The following SNX24 variants were observed in gnomAD, a reference collection of about 807,000 sequenced individuals.
The protein encoded by SNX24 is sorting nexin-24.
In SNX24, 22 loss-of-function variants were observed where a neutral mutation model predicts 28.7. The ratio of observed to expected loss-of-function variants is 0.77; its 90% confidence interval spans 0.55 to 1.10. SNX24 has a LOEUF of 1.10. Among genes scored for constraint, SNX24 ranks in the 50% least tolerant of loss-of-function variants. The pLI is 0.00. For missense variants in SNX24, 221 were observed against 201.1 expected (o/e 1.10, Z -0.60); for synonymous variants, 69 against 71.5 (o/e 0.96, Z 0.18).
chr5:122,855,688 AT>A (rs1554066639), intron 1 of SNX24, among the ~76,000 whole-genome samples: 1 of 152,138 alleles, frequency 6.6e-6, no homozygotes. Flanking sequence ...GTAATGTTCT[AT>A]ATCCTTTGTT....
intron 3 of SNX24, among the ~76,000 whole-genome samples, chr5:122,959,671 G>GT (rs1185949626): frequency 1.7e-3 from 253 of 148,516 alleles, no homozygotes; most frequent in Middle Eastern, 7.0e-3. Context: ...TTGTTTTTGG[G>GT]TTTTTTTTTT....
chr5:122,995,520 G>A (rs1187895431), intron 3 of SNX24, among the ~76,000 whole-genome samples: 1 of 152,152 alleles, frequency 6.6e-6, no homozygotes, highest in Non-Finnish European at 1.5e-5. Flanking sequence ...TGAGAGAACT[G>A]TTCAGCGCAT....
At chr5:122,916,145 CA>C (rs1561590978) in intron 1 of SNX24, among the ~76,000 whole-genome samples, 5 of 152,220 alleles carry the variant, frequency 3.3e-5, no homozygotes, top group African/African-American at 1.2e-4. Flanking sequence ...ATGATCTATC[CA>C]AGATAGCATG....
chr5:122,888,284 C>G (rs1164688923), intron 1 of SNX24, among the ~76,000 whole-genome samples: 1 of 152,128 alleles, frequency 6.6e-6, no homozygotes, highest in Admixed American at 6.6e-5. Context: ...CTCCTGGTCC[C>G]TAGTTCAGGC....
intron 5 of SNX24, chr5:123,028,485 G>A (rs1376087193): frequency 3.4e-6 from 1 of 291,688 alleles, no homozygotes; most frequent in Non-Finnish European, 6.3e-6. Flanking sequence ...ATATTTTTCT[G>A]TATGGCTACT....
At chr5:122,900,109 T>C (rs1232382597) in intron 1 of SNX24, among the ~76,000 whole-genome samples, 1 of 151,924 alleles carries the variant, frequency 6.6e-6, no homozygotes, top group Non-Finnish European at 1.5e-5. Context: ...TGCCTTGAAC[T>C]CTCAGGCTCA....
chr5:122,853,480 A>T (rs1408644384), intron 1 of SNX24, among the ~76,000 whole-genome samples: 1 of 152,190 alleles, frequency 6.6e-6, no homozygotes, highest in Non-Finnish European at 1.5e-5. Context: ...ATTCTTCTTG[A>T]ACATTAACAA....
chr5:122,855,979 T>C (rs1355946431), intron 1 of SNX24, among the ~76,000 whole-genome samples: 1 of 152,170 alleles, frequency 6.6e-6, no homozygotes, highest in African/African-American at 2.4e-5. Context: ...TATTTACTTA[T>C]TTTAGGTTCG....
intron 1 of SNX24, among the ~76,000 whole-genome samples, chr5:122,848,097 G>A (rs1184076569): frequency 6.6e-6 from 1 of 152,040 alleles, no homozygotes; most frequent in African/African-American, 2.4e-5. Flanking sequence ...TAGCGATTAT[G>A]TTTGTGTGAA....
At chr5:123,002,162 TA>T in intron 6 of SNX24, 158 bp downstream of exon 6, 1 of 640,060 alleles carries the variant, frequency 1.6e-6, no homozygotes, top group South Asian at 1.9e-5. Flanking sequence ...CTTAGAATTT[TA>T]ATTGGGGCTG....
chr5:123,014,543 A>G (rs894193205), intron 5 of SNX24, among the ~76,000 whole-genome samples: 1 of 151,834 alleles, frequency 6.6e-6, no homozygotes. Flanking sequence ...TATTTCCACA[A>G]TGTTATAAAT....
chr5:122,946,032 C>A (rs773221417), intron 2 of SNX24, 23 bp from the exon 3 acceptor site: 106 of 1,018,940 alleles, frequency 1.0e-4, no homozygotes, highest in Non-Finnish European at 1.1e-4. Flanking sequence ...TTTTCTTTTT[C>A]TTTTCCTATT....
chr5:122,938,675 T>TA (rs1759291838), intron 2 of SNX24, among the ~76,000 whole-genome samples: 1 of 9,872 alleles, frequency 1.0e-4, no homozygotes, highest in African/African-American at 2.0e-3. Context: ...GCGCGGTGGC[T>TA]CACGCCTGTA....
Position 123,025,886 on chromosome 5 carries a change from G to A in SNX24, n.384-3352G>A, listed in dbSNP as rs74557853. The A allele has an allele frequency of 1.6e-3, 2,654 of 1,614,012 alleles. 45 individuals are homozygous for A. The African/African-American group carries it at 0.03, about 18-fold the overall frequency. On this transcript the variant is annotated intron_variant and non_coding_transcript_variant, in intron 5 of 5. Transcript: ENST00000502387. ...GAGAGCCATTGGTGTCAGGCCCAGC[G>A]TTGGCCATGCTGACCCACCCAATGC...
At chr5:122,976,933 G>A (rs946558666) in intron 3 of SNX24, among the ~76,000 whole-genome samples, 1 of 152,040 alleles carries the variant, frequency 6.6e-6, no homozygotes, top group Non-Finnish European at 1.5e-5. Flanking sequence ...TTTTCTAATG[G>A]TATGTCTTTC....
chr5:122,850,156 A>G (rs545194554), intron 1 of SNX24, among the ~76,000 whole-genome samples: 5 of 152,354 alleles, frequency 3.3e-5, no homozygotes, highest in African/African-American at 1.2e-4. Flanking sequence ...AATACAATCA[A>G]CTGGGTAGTT....
chr5:122,868,653 C>T (rs1755827684), intron 1 of SNX24, among the ~76,000 whole-genome samples: 2 of 152,146 alleles, frequency 1.3e-5, no homozygotes, highest in Admixed American at 6.5e-5. Context: ...TATTCTGGGA[C>T]CCACTCAAAA....
Position 122,936,920 on chromosome 5 carries a change from T to C in SNX24, c.144+103T>C, listed in dbSNP as rs1759204431. On this transcript the variant is annotated intron_variant, in intron 2 of 6. Transcript: ENST00000261369. Reference sequence around the variant, plus strand: ...TCTAAGACCATTGATATTTCTTGTGTATGTATATACATTTTCTTTTATCAT... The same window carrying C: ...TCTAAGACCATTGATATTTCTTGTGCATGTATATACATTTTCTTTTATCAT... The C allele has an allele frequency of 5.1e-6, 3 of 589,552 alleles. No homozygotes were observed. The Admixed American group carries it at 9.2e-5, about 18-fold the overall frequency. The allele number at this position is 589,552 out of a possible 1,614,324, so 36.5% of individuals were successfully genotyped here.
At chr5:122,933,715 TG>T (rs1385197135) in intron 1 of SNX24, among the ~76,000 whole-genome samples, 5 of 152,190 alleles carry the variant, frequency 3.3e-5, no homozygotes, top group African/African-American at 1.2e-4. Context: ...CACCTTAAAG[TG>T]TGTGGGGTTT....
Sources: allele counts gnomAD v4.1 joint callset (sites outside exome capture counted in the v4.1 genomes callset), GRCh38; gene constraint gnomAD v4.1.1; transcripts MANE v1.5; gene names NCBI Gene and HGNC (gene_info 2026-07-23, HGNC 2026-07-21).